Variants in SPOCK3 observed in about 807,000 individuals in gnomAD.
The protein encoded by SPOCK3 is testican-3.
SPOCK3 carries 30 observed loss-of-function variants against 56.6 expected under a neutral mutation model. The ratio of observed to expected loss-of-function variants is 0.53; its 90% CI spans 0.40 to 0.72. The LOEUF is 0.72. Ranked by LOEUF, SPOCK3 falls within the 30% of genes least tolerant of loss-of-function variation. SPOCK3 has a pLI of 0.00. For missense variants in SPOCK3, 527 were observed against 530.0 expected (o/e 0.99, Z 0.06); for synonymous variants, 196 against 183.3 (o/e 1.07, Z -0.56).
chr4:167,078,308 C>CTGTGTGTGTG (rs3082377), intron 2 of SPOCK3, among the ~76,000 whole-genome samples: 43 of 105,116 alleles, frequency 4.1e-4, no homozygotes, highest in East Asian at 2.2e-3. Flanking sequence ...GGTCATAACT[C>CTGTGTGTGTG]TGTGTGTGTG....
At chr4:166,866,286 T>C (rs987625614) in intron 6 of SPOCK3, among the ~76,000 whole-genome samples, 3 of 152,200 alleles carry the variant, frequency 2.0e-5, no homozygotes, top group Admixed American at 2.0e-4. Context: ...TATCTCAAGA[T>C]GGATTAAAGA....
At chr4:167,001,824 G>T (rs1748981397) in intron 3 of SPOCK3, among the ~76,000 whole-genome samples, 1 of 152,134 alleles carries the variant, frequency 6.6e-6, no homozygotes, top group African/African-American at 2.4e-5. Context: ...AGGGTTCCAG[G>T]CTGACCAGCG....
chr4:166,825,111 C>A (rs950656625), intron 6 of SPOCK3, among the ~76,000 whole-genome samples: 3 of 151,818 alleles, frequency 2.0e-5, no homozygotes, highest in Admixed American at 6.6e-5. Flanking sequence ...ATATATATGA[C>A]CCATGGAAAT....
At chr4:167,103,325 C>T (rs1167632909) in intron 2 of SPOCK3, among the ~76,000 whole-genome samples, 1 of 152,086 alleles carries the variant, frequency 6.6e-6, no homozygotes, top group East Asian at 1.9e-4. Context: ...GGCCTTAGCT[C>T]TTGGATGGTA....
intron 2 of SPOCK3, among the ~76,000 whole-genome samples, chr4:167,118,155 T>C (rs1318600876): frequency 4.6e-5 from 7 of 152,192 alleles, no homozygotes; most frequent in Admixed American, 4.6e-4. Context: ...TGAATTTTGC[T>C]AAGCAATAAT....
intron 2 of SPOCK3, among the ~76,000 whole-genome samples, chr4:167,136,845 A>G (rs1017802829): frequency 2.0e-5 from 3 of 152,110 alleles, no homozygotes; most frequent in Admixed American, 2.0e-4. Flanking sequence ...GTTCCAGGAC[A>G]GTAGAAATTT....
intron 3 of SPOCK3, among the ~76,000 whole-genome samples, chr4:167,058,593 T>G (rs1331163016): frequency 6.6e-6 from 1 of 152,070 alleles, no homozygotes; most frequent in Non-Finnish European, 1.5e-5. Context: ...ATTTATAGAT[T>G]CAATGCCATC....
intron 4 of SPOCK3, among the ~76,000 whole-genome samples, chr4:166,970,987 G>A (rs1486531885): frequency 2.8e-4 from 42 of 152,116 alleles, no homozygotes; most frequent in Admixed American, 2.8e-3. Context: ...CTCAGCTCCT[G>A]AGTGGCTGGG....
At chr4:167,231,397 T>C (rs1737164868) in intron 2 of SPOCK3, among the ~76,000 whole-genome samples, 1 of 152,066 alleles carries the variant, frequency 6.6e-6, no homozygotes, top group African/African-American at 2.4e-5. Flanking sequence ...AAATTAATTA[T>C]ATTTTATGGG....
rs542600706 is a variant in SPOCK3 at position 167,145,435 on chromosome 4, C to T, written c.190-82898G>A. Among the ~76,000 whole-genome samples, 9 of 152,050 alleles carry T rather than the reference C, an allele frequency of 5.9e-5. No individual in the cohort carries two copies. The South Asian group carries it at 6.2e-4, about 11-fold the overall frequency. Reference sequence around the variant, plus strand: ...TTTAAGCCATGGGGCTGAACAGGTTCGGCTGATCAGGGTCACCAAGGAAAT... The same window carrying T: ...TTTAAGCCATGGGGCTGAACAGGTTTGGCTGATCAGGGTCACCAAGGAAAT... On this transcript the variant is annotated intron_variant, in intron 2 of 10. Transcript: ENST00000357545.
intron 6 of SPOCK3, among the ~76,000 whole-genome samples, chr4:166,818,590 A>G (rs1744611089): frequency 1.3e-5 from 2 of 151,998 alleles, no homozygotes; most frequent in Admixed American, 6.6e-5. Context: ...CATCATATCT[A>G]GTAATTTTCT....
At chr4:167,026,682 A>G (rs1326756036) in intron 3 of SPOCK3, among the ~76,000 whole-genome samples, 2 of 152,214 alleles carry the variant, frequency 1.3e-5, no homozygotes, top group African/African-American at 4.8e-5. Context: ...TAATTGATAA[A>G]GTGAAAATAG....
At chr4:166,924,145 C>A (rs1221152894) in intron 4 of SPOCK3, among the ~76,000 whole-genome samples, 1 of 152,074 alleles carries the variant, frequency 6.6e-6, no homozygotes, top group Non-Finnish European at 1.5e-5. Flanking sequence ...AATAAACTTG[C>A]CTCTGAATTC....
At chr4:166,866,610 A>G (rs932101171) in intron 6 of SPOCK3, among the ~76,000 whole-genome samples, 4 of 152,122 alleles carry the variant, frequency 2.6e-5, no homozygotes, top group African/African-American at 9.7e-5. Context: ...CTCAATCAAA[A>G]AGTGGGCAAA....
At chr4:166,735,442 C>A (rs1466697211) in intron 10 of SPOCK3, among the ~76,000 whole-genome samples, 2 of 151,886 alleles carry the variant, frequency 1.3e-5, no homozygotes, top group Non-Finnish European at 2.9e-5. Flanking sequence ...AATTGCCCTA[C>A]CAAAGATATT....
intron 2 of SPOCK3, among the ~76,000 whole-genome samples, chr4:167,230,254 A>G (rs1161889036): frequency 6.6e-6 from 1 of 152,044 alleles, no homozygotes; most frequent in Non-Finnish European, 1.5e-5. Flanking sequence ...TTATTACATG[A>G]TAAAGGGTAT....
At chr4:167,048,534 G>C (rs1753919717) in intron 3 of SPOCK3, among the ~76,000 whole-genome samples, 2 of 152,202 alleles carry the variant, frequency 1.3e-5, no homozygotes, top group African/African-American at 4.8e-5. Flanking sequence ...AACAGCTTAG[G>C]AAATAGCATT....
chr4:166,966,858 T>G (rs766065259), intron 4 of SPOCK3, among the ~76,000 whole-genome samples: 1 of 152,126 alleles, frequency 6.6e-6, no homozygotes, highest in Non-Finnish European at 1.5e-5. Flanking sequence ...GACACTGTTA[T>G]AGTGATAAAT....
At chr4:166,990,559 G>T (rs934019483) in intron 4 of SPOCK3, among the ~76,000 whole-genome samples, 6 of 151,894 alleles carry the variant, frequency 4.0e-5, no homozygotes, top group African/African-American at 1.2e-4. Context: ...CAAGAAAAAA[G>T]ATTTTATACA....
Sources: allele counts gnomAD v4.1 joint callset (sites outside exome capture counted in the v4.1 genomes callset), GRCh38; gene constraint gnomAD v4.1.1; transcripts MANE v1.5; gene names NCBI Gene and HGNC (gene_info 2026-07-23, HGNC 2026-07-21).